TMEM154: variants seen among roughly 807,000 people sequenced by gnomAD.
TMEM154 encodes the protein transmembrane protein 154.
In TMEM154, 27 loss-of-function variants were observed where a neutral mutation model predicts 24.5. The observed-to-expected ratio is 1.10, with a 90% CI of 0.81 to 1.52. The LOEUF is 1.52. Among genes scored for constraint, TMEM154 ranks in the 40% most tolerant of loss-of-function variants. The probability of loss-of-function intolerance (pLI) is 0.00; values close to 1 mark genes in which losing one functional copy is unlikely to be tolerated. For missense variants in TMEM154, 228 were observed against 213.4 expected (o/e 1.07, Z -0.43); for synonymous variants, 67 against 76.8 (o/e 0.87, Z 0.67).
intron 3 of TMEM154, among the ~76,000 whole-genome samples, chr4:152,651,804 T>A (rs1053046686): frequency 6.6e-6 from 1 of 152,400 alleles, no homozygotes; most frequent in Admixed American, 6.5e-5. Context: ...TTTCAGCCTA[T>A]CTCAGCTTTC....
intron 6 of TMEM154, among the ~76,000 whole-genome samples, chr4:152,631,383 T>C (rs1258657666): frequency 2.0e-5 from 3 of 152,244 alleles, no homozygotes; most frequent in Non-Finnish European, 4.4e-5. Flanking sequence ...TTTTAATTTC[T>C]TCCTTTGCTG....
intron 1 of TMEM154, among the ~76,000 whole-genome samples, chr4:152,679,635 C>G (rs1484300530): frequency 6.6e-6 from 1 of 152,082 alleles, no homozygotes. Flanking sequence ...AAGACAAAGA[C>G]TGAAAGAGGG....
intron 1 of TMEM154, among the ~76,000 whole-genome samples, chr4:152,675,976 T>G (rs1309925560): frequency 6.6e-6 from 1 of 152,182 alleles, no homozygotes; most frequent in Admixed American, 6.5e-5. Context: ...CTTAGAGTAT[T>G]TGGTCGTAAT....
At position 152,646,853 on chromosome 4, in the gene TMEM154, T is replaced by C. The variant is rs536461663; in HGVS notation, c.365-2411A>G. Reference sequence around the variant, plus strand: ...CAGTGAGCAAGAGAAAGAGTCTCTTTCCAGAAGATTTACTGAGTAAGCCAG... The same window carrying C: ...CAGTGAGCAAGAGAAAGAGTCTCTTCCCAGAAGATTTACTGAGTAAGCCAG... On this transcript the variant is annotated intron_variant, in intron 3 of 6. Transcript: ENST00000304385. The C allele has an allele frequency of 4.0e-4, 270 of 671,366 alleles. 1 individual carries two copies. Among genetic ancestry groups the C allele is most frequent in the South Asian group, 3.4e-3 (214 of 62,408 alleles). The allele number at this position is 671,366 out of a possible 1,614,324, so 41.6% of individuals were successfully genotyped here. A position where few individuals can be genotyped will look rare whatever the true frequency, so the allele number is the denominator to read the frequency against.
chr4:152,628,800 CTA>C (rs1751975339), intron 6 of TMEM154, among the ~76,000 whole-genome samples: 1 of 150,618 alleles, frequency 6.6e-6, no homozygotes. Flanking sequence ...CCAAGCCTGG[CTA>C]ATTTTTTGTA....
intron 1 of TMEM154, among the ~76,000 whole-genome samples, chr4:152,660,043 A>C (rs568160634): frequency 6.6e-6 from 1 of 152,324 alleles, no homozygotes; most frequent in African/African-American, 2.4e-5. Flanking sequence ...AACTGTGGAT[A>C]AGGGGGGACT....
At chr4:152,647,431 A>G (rs1728274443) in intron 3 of TMEM154, 2 of 658,054 alleles carry the variant, frequency 3.0e-6, no homozygotes, top group South Asian at 6.7e-5. Context: ...GTTAGTGATC[A>G]CGTCTGTGTT....
Position 152,640,875 on chromosome 4 carries a change from A to G in TMEM154, c.536+53T>C. ...AAAAAGTGTTCCACCCTGGTTCCCA[A>G]TCCCCCCGCCCCCCGCCATATACAT... On this transcript the variant is annotated intron_variant, in intron 6 of 6. Coordinates refer to ENST00000304385, the MANE Select transcript of TMEM154 (RefSeq NM_152680.3). The G allele has an allele frequency of 3.9e-6, 5 of 1,275,652 alleles. No homozygotes were observed. In the South Asian group the frequency reaches 6.1e-5, roughly 15 times the overall value. The allele number at this position is 1,275,652 out of a possible 1,614,324, so 79.0% of individuals were successfully genotyped here. A position where few individuals can be genotyped will look rare whatever the true frequency, so the allele number is the denominator to read the frequency against.
At chr4:152,649,450 T>C (rs540727262) in intron 3 of TMEM154, among the ~76,000 whole-genome samples, 1 of 152,330 alleles carries the variant, frequency 6.6e-6, no homozygotes, top group African/African-American at 2.4e-5. Flanking sequence ...CTATAATTGG[T>C]TTTCGGATTG....
rs1031806020 is a variant in TMEM154, at chr4:152,625,723, A to G, written c.*2823T>C. On this transcript the variant is annotated 3_prime_UTR_variant, in exon 7 of 7. Coordinates refer to ENST00000304385, the MANE Select transcript of TMEM154 (RefSeq NM_152680.3). ...AAAGTCAGGTGAGAAGAAGTAGCAC[A>G]TAGTGAAAATGAATATAATAATTTT... 2 of 151,610 alleles carry G rather than the reference A, an allele frequency of 1.3e-5. No homozygotes were observed. The highest frequency in any genetic ancestry group is 2.1e-4 in the South Asian group (1 of 4,796). The allele number at this position is 151,610 out of a possible 1,614,324, so 9.4% of individuals were successfully genotyped here.
intron 1 of TMEM154, among the ~76,000 whole-genome samples, chr4:152,673,056 G>C (rs1445270601): frequency 6.6e-6 from 1 of 152,082 alleles, no homozygotes; most frequent in African/African-American, 2.4e-5. Flanking sequence ...CAATATTTTG[G>C]ATATAATTGA....
At chr4:152,633,418 T>G (rs1752088348) in intron 6 of TMEM154, among the ~76,000 whole-genome samples, 1 of 152,252 alleles carries the variant, frequency 6.6e-6, no homozygotes, top group Admixed American at 6.5e-5. Context: ...CCTTCCTTTA[T>G]TTAGTTAGAT....
At chr4:152,670,139 T>C (rs571559488) in intron 1 of TMEM154, 3 of 152,348 alleles carry the variant, frequency 2.0e-5, no homozygotes, top group African/African-American at 7.2e-5. Flanking sequence ...TTATTGTGTA[T>C]TTTTCTGGGT....
At chr4:152,656,527 A>G (rs971891040) in intron 1 of TMEM154, among the ~76,000 whole-genome samples, 1 of 152,156 alleles carries the variant, frequency 6.6e-6, no homozygotes, top group African/African-American at 2.4e-5. Context: ...TGGAGACTAC[A>G]CTAATGTACA....
chr4:152,666,244 G>A (rs1284209646), intron 1 of TMEM154: 1 of 152,176 alleles, frequency 6.6e-6, no homozygotes, highest in Non-Finnish European at 1.5e-5. Flanking sequence ...GCGTCACCTG[G>A]GAAGTTTTCA....
In TMEM154 at chr4:152,675,155, T is replaced by TC. The variant is rs1554013856; in HGVS notation, c.64+4714dup. ...CTGGGCAGCAGAGCGAGGCTCCATC[T>TC]CAAAAAAAAAAAAAAAAAAAAAGAA... On this transcript the variant is annotated intron_variant, in intron 1 of 6. Coordinates refer to ENST00000304385, the MANE Select transcript of TMEM154 (RefSeq NM_152680.3). Among the ~76,000 whole-genome samples, 3 of 14,252 alleles carry TC rather than the reference T, an allele frequency of 2.1e-4. No homozygotes were observed. The South Asian group carries it at 8.2e-3, about 39-fold the overall frequency. The allele number at this position is 14,252 out of a possible 152,430, so 9.3% of individuals were successfully genotyped here.
At chr4:152,676,590 G>C (rs1399646055) in intron 1 of TMEM154, among the ~76,000 whole-genome samples, 1 of 152,170 alleles carries the variant, frequency 6.6e-6, no homozygotes, top group African/African-American at 2.4e-5. Flanking sequence ...ATTTAGAATA[G>C]TGCCTGACCT....
At chr4:152,666,302 G>C (rs955294252) in intron 1 of TMEM154, 1 of 152,162 alleles carries the variant, frequency 6.6e-6, no homozygotes, top group Non-Finnish European at 1.5e-5. Context: ...GCGTGGCCTG[G>C]GTAACAGTAT....
At chr4:152,675,173 A>AC (rs1273477116) in intron 1 of TMEM154, among the ~76,000 whole-genome samples, 1 of 151,594 alleles carries the variant, frequency 6.6e-6, no homozygotes, top group South Asian at 2.1e-4. Flanking sequence ...AAAAAAAAAA[A>AC]AAAAGAATGT....
Sources: allele counts gnomAD v4.1 joint callset (sites outside exome capture counted in the v4.1 genomes callset), GRCh38; gene constraint gnomAD v4.1.1; transcripts MANE v1.5; gene names NCBI Gene and HGNC (gene_info 2026-07-23, HGNC 2026-07-21).